The following CCL17 variants were observed in gnomAD, a reference collection of about 807,000 sequenced individuals.
The protein encoded by CCL17 is C-C motif chemokine ligand 17.
In CCL17, 8 loss-of-function variants were observed where a neutral mutation model predicts 7.4. The ratio of observed to expected loss-of-function variants is 1.09; its 90% CI spans 0.64 to 1.96. CCL17 has a LOEUF of 1.96. Among genes scored for constraint, CCL17 ranks in the 30% most tolerant of loss-of-function variants. CCL17 has a pLI of 0.00. For synonymous variants in CCL17, 40 were observed against 46.1 expected (o/e 0.87, Z 0.54); for missense variants, 102 against 113.0 (o/e 0.90, Z 0.44).
At chr16:57,404,210 G>T (rs532235555), upstream of CCL17, among the ~76,000 whole-genome samples, 1 of 152,158 alleles carries the variant, frequency 6.6e-6, no homozygotes. Context: ...TGTCCTCTGC[G>T]TGAGGTGGAG....
upstream of CCL17, among the ~76,000 whole-genome samples, chr16:57,403,605 A>AT (rs1383340953): frequency 3.0e-4 from 22 of 74,080 alleles, no homozygotes; most frequent in African/African-American, 1.1e-3. Flanking sequence ...TATAATATAT[A>AT]TAATATATAT....
chr16:57,407,237 A>G (rs1392278280), intron 1 of CCL17, among the ~76,000 whole-genome samples: 2 of 152,192 alleles, frequency 1.3e-5, no homozygotes, highest in Non-Finnish European at 2.9e-5. Flanking sequence ...TGGCAGTGCA[A>G]CTGAGGGAAG....
Position 57,415,999 on chromosome 16 carries a change from T to A in CCL17, c.*138T>A. 1 of 621,656 alleles carries A rather than the reference T, an allele frequency of 1.6e-6. No homozygotes were observed. The highest frequency in any genetic ancestry group is 2.9e-6 in the Non-Finnish European group (1 of 342,816). The allele number at this position is 621,656 out of a possible 1,614,324, so 38.5% of individuals were successfully genotyped here. On this transcript the variant is annotated 3_prime_UTR_variant, in exon 4 of 4. Coordinates refer to ENST00000219244, the MANE Select transcript of CCL17 (RefSeq NM_002987.3). The surrounding 1 kb of genome is among the most constrained non-coding windows in gnomAD (Gnocchi z 4.5). The stretch of plus-strand genomic sequence containing the variant: ...CGAAGAAGAGCCACAGTGAGGGAGA[T>A]CCCATCCCCTTGTCTGAACTGGAGC...
In CCL17 at chr16:57,413,963, AC is replaced by A. The variant is rs765515678; in HGVS notation, c.34del (p.Leu12SerfsTer36). 1 of 1,610,474 alleles carries A rather than the reference AC, an allele frequency of 6.2e-7. No individual in the cohort carries two copies. ...CCCACTGAAGATGCTGGCCCTGGTC[AC>A]CCTCCTCCTGGGGGCTTCTCTGCAG... MAPLKMLALV[T>X]LLLGASLQHI... On this transcript the variant is annotated frameshift_variant, in exon 2 of 4. Coordinates refer to ENST00000219244, the MANE Select transcript of CCL17 (RefSeq NM_002987.3). LOFTEE classifies it high-confidence loss of function.
At chr16:57,414,090 G>A in intron 2 of CCL17, 88 bp downstream of exon 2, 1 of 1,032,938 alleles carries the variant, frequency 9.7e-7, no homozygotes, top group Non-Finnish European at 1.4e-6. Context: ...ACACACGTTT[G>A]TGTATTATTT....
In CCL17 at chr16:57,415,886, C is replaced by CT. The variant is rs756855167; in HGVS notation, c.*26dup. ...AAGCCTCCTCACCCCAGACTCCTGA[C>CT]TGTCTCCCGGGACTACCTGGGACCT... On this transcript the variant is annotated 3_prime_UTR_variant, in exon 4 of 4. Coordinates refer to ENST00000219244, the MANE Select transcript of CCL17 (RefSeq NM_002987.3). The surrounding 1 kb of genome is among the most constrained non-coding windows in gnomAD (Gnocchi z 4.5). 7.5e-6 allele frequency: 11 copies of CT among 1,474,806 alleles called. 1 individual carries two copies. In the South Asian group the frequency reaches 1.1e-4, roughly 15 times the overall value. The allele number at this position is 1,474,806 out of a possible 1,614,324, so 91.4% of individuals were successfully genotyped here. A position where few individuals can be genotyped will look rare whatever the true frequency, so the allele number is the denominator to read the frequency against.
At chr16:57,398,757 G>T in the CCL17 span, among the ~76,000 whole-genome samples, 1 of 152,194 alleles carries the variant, frequency 6.6e-6, no homozygotes, top group African/African-American at 2.4e-5. Context: ...TAGCTAGAAA[G>T]TTCAAGATAT....
At chr16:57,404,363 G>T (rs1221588885), upstream of CCL17, among the ~76,000 whole-genome samples, 3 of 152,172 alleles carry the variant, frequency 2.0e-5, no homozygotes, top group Non-Finnish European at 4.4e-5. Context: ...TGGTTTCTGG[G>T]TGTATTTGGA....
chr16:57,415,791 T>C lies in CCL17; in HGVS notation c.215T>C (p.Ile72Thr). 1 of 1,613,132 alleles carries C rather than the reference T, an allele frequency of 6.2e-7. No homozygotes were observed. Residue 72 changes from isoleucine (I) to threonine (T), a missense_variant, in exon 4 of 4, where the codon ATC becomes ACC. Ile to Thr is a moderately conservative substitution (Grantham distance 89). Coordinates refer to ENST00000219244, the MANE Select transcript of CCL17 (RefSeq NM_002987.3). This position sits in a 1 kb window ranked among gnomAD's most constrained non-coding sequence, Gnocchi z 4.5. ...TTTGTAACTGTGCAGGGCAGGGCCATCTGTTCGGACCCCAACAACAAGAGA... is the reference window on the plus strand; with the variant it reads ...TTTGTAACTGTGCAGGGCAGGGCCACCTGTTCGGACCCCAACAACAAGAGA... ...IVFVTVQGRAICSDPNNKRVK... is the reference protein window; with the variant it reads ...IVFVTVQGRATCSDPNNKRVK...
chr16:57,407,635 T>A (rs1190307828), intron 1 of CCL17, among the ~76,000 whole-genome samples: 1 of 151,732 alleles, frequency 6.6e-6, no homozygotes, highest in Non-Finnish European at 1.5e-5. Context: ...TATCTAGCCA[T>A]ACATCTACAC....
In CCL17 at chr16:57,415,115, G is replaced by A. The variant is rs1902848504; in HGVS notation, c.105G>A (p.Leu35=). ...RGTNVGRECC[L]EYFKGAIPLR... Reference sequence around the variant, plus strand: ...CCAATGTGGGCCGGGAGTGCTGCCTGGAGTACTTCAAGGGAGCCATTCCCC... The same window carrying A: ...CCAATGTGGGCCGGGAGTGCTGCCTAGAGTACTTCAAGGGAGCCATTCCCC... The change falls in exon 3 of 4, where the codon CTG becomes CTA. Residue 35 remains leucine, a synonymous_variant. Coordinates refer to ENST00000219244, the MANE Select transcript of CCL17 (RefSeq NM_002987.3). This position sits in a 1 kb window ranked among gnomAD's most constrained non-coding sequence, Gnocchi z 4.5. 1 of 1,613,982 alleles carries A rather than the reference G, an allele frequency of 6.2e-7. No homozygotes were observed. Among genetic ancestry groups the A allele is most frequent in the Non-Finnish European group, 8.5e-7 (1 of 1,179,866 alleles).
chr16:57,401,460 G>A (rs1389812168), upstream of CCL17, among the ~76,000 whole-genome samples: 3 of 151,392 alleles, frequency 2.0e-5, no homozygotes, highest in South Asian at 2.1e-4. Context: ...GGAGGTAGAG[G>A]TTGCAGTGAG....
the CCL17 span, among the ~76,000 whole-genome samples, chr16:57,398,033 G>T: frequency 1.3e-5 from 2 of 152,168 alleles, no homozygotes; most frequent in African/African-American, 2.4e-5. Flanking sequence ...CCCATCCTCT[G>T]GGAGAAAAGT....
upstream of CCL17, among the ~76,000 whole-genome samples, chr16:57,400,402 G>A (rs181486335): frequency 1.3e-5 from 2 of 151,482 alleles, no homozygotes; most frequent in African/African-American, 2.4e-5. Context: ...GAACTAGACA[G>A]GGGCAATGAA....
intron 1 of CCL17, among the ~76,000 whole-genome samples, chr16:57,408,272 C>T (rs1473340506): frequency 6.6e-6 from 1 of 151,872 alleles, no homozygotes; most frequent in African/African-American, 2.4e-5. Context: ...TCCAGCCACT[C>T]ATCCATTCAT....
chr16:57,403,456 A>AAT (rs1175304825), upstream of CCL17, among the ~76,000 whole-genome samples: 114 of 6,538 alleles, frequency 0.017, 10 homozygotes, highest in Non-Finnish European at 0.021. Flanking sequence ...ATTATATTAT[A>AAT]ATATATATTA....
rs1270767353 is a variant in CCL17, at chr16:57,415,605, C to A, written c.189-160C>A. Among the ~76,000 whole-genome samples the A allele has an allele frequency of 6.6e-6, 1 of 152,166 alleles. No homozygotes were observed. Among genetic ancestry groups the A allele is most frequent in the African/African-American group, 2.4e-5 (1 of 41,446 alleles). On this transcript the variant is annotated intron_variant, in intron 3 of 3. Transcript: ENST00000219244. This position sits in a 1 kb window ranked among gnomAD's most constrained non-coding sequence, Gnocchi z 4.5. The stretch of plus-strand genomic sequence containing the variant: ...AGGGTCGAGATTACTCGGGACAGAG[C>A]CTGAAGTCCCAGATCTGCCACCAAT...
upstream of CCL17, among the ~76,000 whole-genome samples, chr16:57,404,232 C>T (rs55706138): frequency 7.4e-3 from 1,124 of 152,192 alleles, 17 homozygotes; most frequent in African/African-American, 0.025. Flanking sequence ...GCCACGGGGA[C>T]GTTCTGAACA....
At position 57,415,596 on chromosome 16, in the gene CCL17, G is replaced by A. The variant is rs537987514; in HGVS notation, c.189-169G>A. Among the ~76,000 whole-genome samples the A allele has an allele frequency of 3.3e-5, 5 of 152,290 alleles. No homozygotes were observed. In the South Asian group the frequency reaches 6.2e-4, roughly 19 times the overall value. On this transcript the variant is annotated intron_variant, in intron 3 of 3. Coordinates refer to ENST00000219244, the MANE Select transcript of CCL17 (RefSeq NM_002987.3). This position sits in a 1 kb window ranked among gnomAD's most constrained non-coding sequence, Gnocchi z 4.5. ...CTCCCTGGGAGGGTCGAGATTACTC[G>A]GGACAGAGCCTGAAGTCCCAGATCT...
Sources: allele counts gnomAD v4.1 joint callset (sites outside exome capture counted in the v4.1 genomes callset), GRCh38; gene constraint gnomAD v4.1.1; non-coding constraint Gnocchi (gnomAD v3.1); transcripts MANE v1.5; gene names NCBI Gene and HGNC (gene_info 2026-07-23, HGNC 2026-07-21).